The following KCNB2 variants were observed in gnomAD, a reference collection of about 807,000 sequenced individuals.
KCNB2 encodes delayed rectifier potassium channel protein.
KCNB2 carries 15 observed loss-of-function variants against 61.5 expected under a neutral mutation model. The ratio of observed to expected loss-of-function variants is 0.24; its 90% CI spans 0.16 to 0.38. The LOEUF (loss-of-function observed/expected upper bound fraction) is 0.38. KCNB2 is among the 10% of genes least tolerant of loss of function. The probability of loss-of-function intolerance (pLI) is 1.00; values close to 1 mark genes in which losing one functional copy is unlikely to be tolerated. For missense variants in KCNB2, 828 were observed against 1,125.2 expected (o/e 0.74, Z 3.78); for synonymous variants, 457 against 446.0 (o/e 1.02, Z -0.31).
At chr8:72,910,111 G>A (rs987861246) in intron 2 of KCNB2, among the ~76,000 whole-genome samples, 2 of 152,188 alleles carry the variant, frequency 1.3e-5, no homozygotes, top group African/African-American at 4.8e-5. Flanking sequence ...CTTATGAGTT[G>A]TGTGGGCTTG....
intron 2 of KCNB2, among the ~76,000 whole-genome samples, chr8:72,777,877 A>G (rs1030924144): frequency 6.6e-6 from 1 of 152,172 alleles, no homozygotes; most frequent in Non-Finnish European, 1.5e-5. Flanking sequence ...GCTATAGAGC[A>G]TGCAATTTGT....
At chr8:72,745,527 A>G (rs1391328176) in intron 2 of KCNB2, among the ~76,000 whole-genome samples, 1 of 152,198 alleles carries the variant, frequency 6.6e-6, no homozygotes, top group Non-Finnish European at 1.5e-5. Flanking sequence ...ACAAATTAGA[A>G]CATATACACA....
rs981191196 is a variant in KCNB2 at position 72,537,407 on chromosome 8, C to G, written c.-572C>G. 1.3e-5 allele frequency: 2 copies of G among 153,090 alleles called. No homozygotes were observed. The highest frequency in any genetic ancestry group is 3.4e-3 in the Middle Eastern group (1 of 298). The allele number at this position is 153,090 out of a possible 1,614,324, so 9.5% of individuals were successfully genotyped here. ...CGCGGCCGCCGCCGCCGCTGCGCCTCGGGCAGCCCCAGCGAGCGGCAACTC... is the reference window on the plus strand; with the variant it reads ...CGCGGCCGCCGCCGCCGCTGCGCCTGGGGCAGCCCCAGCGAGCGGCAACTC... On this transcript the variant is annotated 5_prime_UTR_variant, in exon 1 of 3. Coordinates refer to ENST00000523207, the MANE Select transcript of KCNB2 (RefSeq NM_004770.3).
At chr8:72,589,870 G>A (rs1213462016) in intron 2 of KCNB2, among the ~76,000 whole-genome samples, 3 of 152,202 alleles carry the variant, frequency 2.0e-5, no homozygotes, top group African/African-American at 7.2e-5. Flanking sequence ...GGGCAGGCAT[G>A]TGACCACTTT....
At chr8:72,883,505 C>T (rs376287436) in intron 2 of KCNB2, among the ~76,000 whole-genome samples, 151 of 152,262 alleles carry the variant, frequency 9.9e-4, no homozygotes, top group South Asian at 9.5e-3. Context: ...AGGAGTTATT[C>T]CAGATCTATA....
intron 2 of KCNB2, among the ~76,000 whole-genome samples, chr8:72,757,076 C>T (rs1808302139): frequency 6.6e-6 from 1 of 151,966 alleles, no homozygotes; most frequent in Non-Finnish European, 1.5e-5. Flanking sequence ...CTTAGGAGAG[C>T]AAGTGGAGTG....
At chr8:72,546,036 A>G (rs896716359) in intron 1 of KCNB2, among the ~76,000 whole-genome samples, 1 of 152,112 alleles carries the variant, frequency 6.6e-6, no homozygotes, top group Non-Finnish European at 1.5e-5. Flanking sequence ...GTTCTTGGAT[A>G]TTGGTAAAGG....
At chr8:72,823,291 A>C (rs963840232) in intron 2 of KCNB2, among the ~76,000 whole-genome samples, 1 of 152,142 alleles carries the variant, frequency 6.6e-6, no homozygotes, top group Admixed American at 6.5e-5. Context: ...AGAACAGGTG[A>C]TATTTTTCAC....
intron 2 of KCNB2, among the ~76,000 whole-genome samples, chr8:72,688,671 A>G (rs2128989840): frequency 6.6e-6 from 1 of 152,282 alleles, no homozygotes; most frequent in African/African-American, 2.4e-5. Context: ...TAACTACTTT[A>G]GAGTGTAATT....
intron 2 of KCNB2, among the ~76,000 whole-genome samples, chr8:72,705,025 G>C (rs1380155574): frequency 1.3e-5 from 2 of 151,894 alleles, no homozygotes; most frequent in African/African-American, 4.8e-5. Flanking sequence ...TTGAATCCTT[G>C]GATGCAGAAC....
intron 2 of KCNB2, among the ~76,000 whole-genome samples, chr8:72,904,534 A>T (rs943776558): frequency 2.6e-5 from 4 of 152,172 alleles, no homozygotes; most frequent in Non-Finnish European, 5.9e-5. Context: ...GGACATTTTA[A>T]AAAAGAAAAA....
At chr8:72,541,263 G>A (rs553460336) in intron 1 of KCNB2, among the ~76,000 whole-genome samples, 58 of 151,716 alleles carry the variant, frequency 3.8e-4, no homozygotes, top group African/African-American at 1.2e-3. Flanking sequence ...TTTTATTGAC[G>A]TATATAAAAT....
At chr8:72,735,533 G>A (rs898260434) in intron 2 of KCNB2, among the ~76,000 whole-genome samples, 8 of 152,174 alleles carry the variant, frequency 5.3e-5, no homozygotes, top group Admixed American at 4.6e-4. Context: ...ACTTTACTGT[G>A]TGGTAATGTC....
rs567304118 is a variant in KCNB2 at position 72,594,281 on chromosome 8, G to A, written c.579+25968G>A. Among the ~76,000 whole-genome samples the A allele has an allele frequency of 2.2e-3, 338 of 152,190 alleles. 1 individual carries two copies. The highest frequency in any genetic ancestry group is 4.2e-3 in the Non-Finnish European group (283 of 68,018). On this transcript the variant is annotated intron_variant, in intron 2 of 2. Coordinates refer to ENST00000523207, the MANE Select transcript of KCNB2 (RefSeq NM_004770.3). ...ATTTACCTCTACCACAAGAAGCAAAGCAATTTGCACCCCCCTCATCCTCCT... is the reference window on the plus strand; with the variant it reads ...ATTTACCTCTACCACAAGAAGCAAAACAATTTGCACCCCCCTCATCCTCCT...
intron 2 of KCNB2, among the ~76,000 whole-genome samples, chr8:72,797,016 A>G (rs1809042079): frequency 6.6e-6 from 1 of 152,156 alleles, no homozygotes; most frequent in African/African-American, 2.4e-5. Context: ...TGCTTTGTAA[A>G]TTACAAATAA....
At chr8:72,774,287 G>A (rs1045532380) in intron 2 of KCNB2, among the ~76,000 whole-genome samples, 1 of 152,138 alleles carries the variant, frequency 6.6e-6, no homozygotes, top group Non-Finnish European at 1.5e-5. Flanking sequence ...AACCAAAGGA[G>A]AATATTTCTA....
At chr8:72,851,826 G>GCAAAAAAAAAAAAAAA (rs1303050547) in intron 2 of KCNB2, among the ~76,000 whole-genome samples, 1 of 43,868 alleles carries the variant, frequency 2.3e-5, no homozygotes. Context: ...GAAGCTGTAG[G>GCAAAAAAAAAAAAAAA]AAAAAAAAAA....
chr8:72,827,209 A>G (rs1450310588), intron 2 of KCNB2, among the ~76,000 whole-genome samples: 2 of 152,176 alleles, frequency 1.3e-5, no homozygotes, highest in Admixed American at 6.5e-5. Flanking sequence ...CCCTCTGAGC[A>G]TCTACCAGCT....
intron 2 of KCNB2, among the ~76,000 whole-genome samples, chr8:72,835,863 GCGC>G (rs1809773061): frequency 6.6e-6 from 1 of 152,160 alleles, no homozygotes; most frequent in East Asian, 1.9e-4. Flanking sequence ...AACAGGTGCT[GCGC>G]TAGCTGTGAA....
Sources: gnomAD v4.1 joint callset for allele counts (sites outside exome capture counted in the v4.1 genomes callset) on GRCh38, gnomAD v4.1.1 for gene constraint, MANE v1.5 for transcripts, NCBI Gene and HGNC (gene_info 2026-07-23, HGNC 2026-07-21) for gene names.